PDE2A: variants seen among roughly 807,000 people sequenced by gnomAD.
The protein encoded by PDE2A is cGMP-dependent 3',5'-cyclic phosphodiesterase.
In PDE2A, 53 loss-of-function variants were observed where a neutral mutation model predicts 133.6. The ratio of observed to expected loss-of-function variants is 0.40; its 90% CI spans 0.32 to 0.50. The LOEUF is 0.50. Among genes scored for constraint, PDE2A ranks in the 20% least tolerant of loss-of-function variants. PDE2A has a pLI of 0.73. For missense variants in PDE2A, 796 were observed against 1,232.4 expected (o/e 0.65, Z 5.30); for synonymous variants, 491 against 490.2 (o/e 1.00, Z -0.02).
intron 2 of PDE2A, among the ~76,000 whole-genome samples, chr11:72,627,139 A>G (rs1366363626): frequency 2.6e-5 from 4 of 152,084 alleles, no homozygotes; most frequent in Admixed American, 6.5e-5. Context: ...AGCCCTACTC[A>G]CAGCCACTCT....
At chr11:72,600,873 G>A (rs922700168) in intron 4 of PDE2A, among the ~76,000 whole-genome samples, 5 of 152,068 alleles carry the variant, frequency 3.3e-5, no homozygotes, top group African/African-American at 7.3e-5. Flanking sequence ...AGGAACAGGC[G>A]TGGACTTTAT....
At chr11:72,639,172 A>G (rs1413782811) in intron 2 of PDE2A, among the ~76,000 whole-genome samples, 2 of 152,158 alleles carry the variant, frequency 1.3e-5, no homozygotes, top group East Asian at 3.8e-4. Context: ...TATGACCTCG[A>G]TCCCCCTACA....
chr11:72,653,899 A>C (rs1854818954), intron 1 of PDE2A, among the ~76,000 whole-genome samples: 1 of 152,256 alleles, frequency 6.6e-6, no homozygotes, highest in African/African-American at 2.4e-5. Context: ...GTCTTGCCCA[A>C]GATGGAACAA....
In PDE2A at chr11:72,597,573, A is replaced by C. The variant is rs1321392698; in HGVS notation, c.370T>G (p.Phe124Val). The C allele has an allele frequency of 6.2e-7, 1 of 1,612,750 alleles. No individual in the cohort carries two copies. Among genetic ancestry groups the C allele is most frequent in the Admixed American group, 1.7e-5 (1 of 59,988 alleles). Residue 124 changes from phenylalanine to valine, a missense_variant, in exon 5 of 31, where the codon TTC becomes GTC. Physicochemically the swap from Phe to Val is conservative, Grantham distance 50. Transcript: ENST00000334456. The surrounding 1 kb of genome is among the most constrained non-coding windows in gnomAD (Gnocchi z 4.6). ...AAGGGCTTCCCTGGCAGGTCTGAGA[A>C]GCCCAGCCCATTGCAGCCCAGCCGC... ...QKRLGCNGLG[F>V]SDLPGKPLAR...
chr11:72,637,842 A>G (rs1348802133), intron 2 of PDE2A, among the ~76,000 whole-genome samples: 1 of 152,238 alleles, frequency 6.6e-6, no homozygotes, highest in East Asian at 1.9e-4. Context: ...GGACAGGGAT[A>G]TGGAAAAGAA....
chr11:72,665,997 C>T (rs1437165663), intron 1 of PDE2A, among the ~76,000 whole-genome samples: 1 of 152,164 alleles, frequency 6.6e-6, no homozygotes, highest in East Asian at 1.9e-4. Context: ...CCTCACTTCA[C>T]CACTGGGCTC....
chr11:72,669,438 G>A (rs1406610654), intron 1 of PDE2A, among the ~76,000 whole-genome samples: 1 of 152,160 alleles, frequency 6.6e-6, no homozygotes, highest in African/African-American at 2.4e-5. Context: ...CAAGAAGTGG[G>A]TCACATCACT....
chr11:72,578,800 G>T lies in PDE2A; in HGVS notation c.2469+97C>A. On this transcript the variant is annotated intron_variant, in intron 28 of 30. Coordinates refer to ENST00000334456, the MANE Select transcript of PDE2A (RefSeq NM_002599.5). The surrounding 1 kb of genome is among the most constrained non-coding windows in gnomAD (Gnocchi z 4.2). ...TTTCTGTCTCCCCAGAACACAGCCA[G>T]GCTGAGCTGAGCAGAGAGAGGGTAT... 1.3e-6 allele frequency: 1 copy of T among 772,376 alleles called. No individual in the cohort carries two copies. Among genetic ancestry groups the T allele is most frequent in the Non-Finnish European group, 2.3e-6 (1 of 439,730 alleles). 47.8% of individuals were successfully genotyped at this position (772,376 alleles called of 1,614,324 possible).
intron 1 of PDE2A, among the ~76,000 whole-genome samples, chr11:72,660,868 C>T (rs538509253): frequency 7.2e-5 from 11 of 151,740 alleles, no homozygotes; most frequent in Admixed American, 2.6e-4. Flanking sequence ...GTGTGAGCTC[C>T]GAGAGGTGGC....
At chr11:72,615,166 A>T (rs572421) in intron 2 of PDE2A, 3 of 456,758 alleles carry the variant, frequency 6.6e-6, no homozygotes, top group Admixed American at 4.1e-5. Context: ...GGGTGTCCCC[A>T]TCCACAGGAG....
chr11:72,582,822 C>T (rs1677701760), intron 20 of PDE2A, among the ~76,000 whole-genome samples: 1 of 152,204 alleles, frequency 6.6e-6, no homozygotes, highest in South Asian at 2.1e-4. Flanking sequence ...AACACCCCTT[C>T]ATGACACCCC....
chr11:72,595,979 C>A (rs974124362), intron 6 of PDE2A, among the ~76,000 whole-genome samples: 3 of 152,132 alleles, frequency 2.0e-5, no homozygotes, highest in African/African-American at 7.2e-5. Context: ...CCTTCCTCAG[C>A]CACTCCAGAA....
chr11:72,633,288 C>T (rs187928132), intron 2 of PDE2A, among the ~76,000 whole-genome samples: 4 of 152,308 alleles, frequency 2.6e-5, no homozygotes, highest in Admixed American at 2.6e-4. Context: ...CACCGCCTCC[C>T]CATTGTCCCA....
Position 72,578,762 on chromosome 11 carries a change from G to A in PDE2A, c.2469+135C>T. On this transcript the variant is annotated intron_variant, in intron 28 of 30. Transcript: ENST00000334456. The surrounding 1 kb of genome is among the most constrained non-coding windows in gnomAD (Gnocchi z 4.2). Reference sequence around the variant, plus strand: ...TCTCTGAGTCTCCATTTGTCACCCTGAGATGGTCTAGGTTTCTGTCTCCCC... The same window carrying A: ...TCTCTGAGTCTCCATTTGTCACCCTAAGATGGTCTAGGTTTCTGTCTCCCC... 1 of 676,934 alleles carries A rather than the reference G, an allele frequency of 1.5e-6. No individual in the cohort carries two copies. The highest frequency in any genetic ancestry group is 2.7e-6 in the Non-Finnish European group (1 of 375,224). The allele number at this position is 676,934 out of a possible 1,614,324, so 41.9% of individuals were successfully genotyped here. A position where few individuals can be genotyped will look rare whatever the true frequency, so the allele number is the denominator to read the frequency against.
At chr11:72,606,195 G>A (rs1310983961) in intron 3 of PDE2A, among the ~76,000 whole-genome samples, 1 of 151,850 alleles carries the variant, frequency 6.6e-6, no homozygotes, top group African/African-American at 2.4e-5. Flanking sequence ...AAGCAGAACT[G>A]GCAACCCTTC....
At chr11:72,668,449 G>C in intron 1 of PDE2A, 1 of 714,054 alleles carries the variant, frequency 1.4e-6, no homozygotes, top group African/African-American at 1.7e-5. Context: ...GTGAGAAGTC[G>C]TAATTATGGC....
intron 2 of PDE2A, among the ~76,000 whole-genome samples, chr11:72,639,211 G>T (rs1277043412): frequency 6.6e-6 from 1 of 152,180 alleles, no homozygotes; most frequent in African/African-American, 2.4e-5. Context: ...GGTCCCCAAA[G>T]GTGTGACCAG....
At chr11:72,635,180 G>A (rs753502376) in intron 2 of PDE2A, among the ~76,000 whole-genome samples, 8 of 152,176 alleles carry the variant, frequency 5.3e-5, no homozygotes, top group Non-Finnish European at 1.2e-4. Flanking sequence ...AAGCTCTCTC[G>A]AATGTACACA....
chr11:72,597,375 A>G lies in PDE2A; in HGVS notation c.433+135T>C, dbSNP rs973687150. ...AATAGAGAGAGAATTAGATGGAGGG[A>G]CTGCTAGAGACACAGAGCAAGAGAA... On this transcript the variant is annotated intron_variant, in intron 5 of 30. Coordinates refer to ENST00000334456, the MANE Select transcript of PDE2A (RefSeq NM_002599.5). This position sits in a 1 kb window ranked among gnomAD's most constrained non-coding sequence, Gnocchi z 4.6. 7 of 598,494 alleles carry G rather than the reference A, an allele frequency of 1.2e-5. No homozygotes were observed. The Admixed American group carries it at 1.2e-4, about 10-fold the overall frequency. The allele number at this position is 598,494 out of a possible 1,614,324, so 37.1% of individuals were successfully genotyped here.
Sources: gnomAD v4.1 joint callset for allele counts (sites outside exome capture counted in the v4.1 genomes callset) on GRCh38, gnomAD v4.1.1 for gene constraint, Gnocchi (gnomAD v3.1) non-coding constraint, MANE v1.5 for transcripts, NCBI Gene and HGNC (gene_info 2026-07-23, HGNC 2026-07-21) for gene names.